KIF21A: variants seen among roughly 807,000 people sequenced by gnomAD.
KIF21A encodes kinesin-like protein KIF21A.
A neutral mutation model predicts 202.9 loss-of-function variants in KIF21A; 114 were observed. That is an observed-to-expected ratio of 0.56 (90% CI 0.48 to 0.66). The LOEUF is 0.66. Among genes scored for constraint, KIF21A ranks in the 30% least tolerant of loss-of-function variants. The pLI is 0.00. For missense variants in KIF21A, 1,677 were observed against 1,994.9 expected (o/e 0.84, Z 3.04); for synonymous variants, 667 against 670.8 (o/e 0.99, Z 0.09).
At chr12:39,349,697 A>G (rs535440578) in intron 11 of KIF21A, among the ~76,000 whole-genome samples, 1 of 152,232 alleles carries the variant, frequency 6.6e-6, no homozygotes, top group South Asian at 2.1e-4. Context: ...AGTGTGATGA[A>G]CAAAGTGCTT....
At chr12:39,403,166 C>T (rs1230470048) in intron 1 of KIF21A, among the ~76,000 whole-genome samples, 4 of 152,136 alleles carry the variant, frequency 2.6e-5, no homozygotes, top group Admixed American at 1.3e-4. Flanking sequence ...CATTCATTTA[C>T]CCATTTGTTC....
intron 1 of KIF21A, among the ~76,000 whole-genome samples, chr12:39,373,074 T>G (rs1384183948): frequency 6.6e-6 from 1 of 152,184 alleles, no homozygotes; most frequent in Non-Finnish European, 1.5e-5. Flanking sequence ...TGTCAACTCT[T>G]GCCCTCACCA....
At chr12:39,311,319 G>A in intron 32 of KIF21A, 98 bp downstream of exon 32, 1 of 1,084,752 alleles carries the variant, frequency 9.2e-7, no homozygotes, top group Non-Finnish European at 1.4e-6. Context: ...GATTCTTTCT[G>A]GTCTTAAATA....
intron 1 of KIF21A, among the ~76,000 whole-genome samples, chr12:39,416,655 A>G (rs7296345): frequency 0.012 from 1,210 of 103,198 alleles, 151 homozygotes; most frequent in African/African-American, 0.059. Context: ...GTACATATAT[A>G]TGTGTATATA....
intron 27 of KIF21A, among the ~76,000 whole-genome samples, chr12:39,321,109 A>G (rs1205810948): frequency 1.3e-5 from 2 of 152,160 alleles, no homozygotes; most frequent in Non-Finnish European, 2.9e-5. Flanking sequence ...GCAATCCTGC[A>G]TCATTTAAAT....
At chr12:39,415,026 G>A (rs1425114370) in intron 1 of KIF21A, among the ~76,000 whole-genome samples, 1 of 149,972 alleles carries the variant, frequency 6.7e-6, no homozygotes, top group Non-Finnish European at 1.5e-5. Context: ...AACACTGCAA[G>A]TAACTGTTAG....
At chr12:39,329,524 A>G (rs1946310136) in intron 24 of KIF21A, among the ~76,000 whole-genome samples, 1 of 151,964 alleles carries the variant, frequency 6.6e-6, no homozygotes, top group South Asian at 2.1e-4. Flanking sequence ...AGAAGGAGGA[A>G]CACAATAAAT....
intron 37 of KIF21A, among the ~76,000 whole-genome samples, chr12:39,300,777 G>A (rs886956228): frequency 2.0e-5 from 3 of 151,946 alleles, no homozygotes; most frequent in African/African-American, 7.3e-5. Context: ...TATCTTAAAT[G>A]TCACTTTCTC....
intron 1 of KIF21A, among the ~76,000 whole-genome samples, chr12:39,434,150 G>T (rs1397320867): frequency 6.6e-6 from 1 of 152,166 alleles, no homozygotes; most frequent in African/African-American, 2.4e-5. Context: ...AGGTCAAGAG[G>T]CCTGCAGGCC....
intron 24 of KIF21A, chr12:39,329,961 C>T: frequency 2.8e-6 from 1 of 355,706 alleles, no homozygotes; most frequent in Non-Finnish European, 5.1e-6. Context: ...AGAGAAAGAA[C>T]ACAGGGGGTT....
At chr12:39,316,838 C>T (rs1944602739) in intron 29 of KIF21A, among the ~76,000 whole-genome samples, 1 of 152,116 alleles carries the variant, frequency 6.6e-6, no homozygotes, top group African/African-American at 2.4e-5. Context: ...GAGATGACAA[C>T]AGAGTCAAAT....
intron 27 of KIF21A, 191 bp downstream of exon 27, chr12:39,322,477 A>G: frequency 1.9e-6 from 1 of 524,374 alleles, no homozygotes; most frequent in South Asian, 2.8e-5. Flanking sequence ...GCAATTCAAC[A>G]AAGGACATCT....
intron 34 of KIF21A, among the ~76,000 whole-genome samples, chr12:39,306,254 C>A (rs1943464906): frequency 6.6e-6 from 1 of 152,174 alleles, no homozygotes; most frequent in Admixed American, 6.5e-5. Flanking sequence ...AAGAGTCAAA[C>A]CTATCAGCAA....
chr12:39,295,109 G>C (rs1421036500), intron 37 of KIF21A, among the ~76,000 whole-genome samples: 1 of 152,194 alleles, frequency 6.6e-6, no homozygotes, highest in Non-Finnish European at 1.5e-5. Flanking sequence ...GAAAAATAAA[G>C]AGGCTATTGA....
chr12:39,316,293 G>A (rs1384361903), intron 29 of KIF21A, among the ~76,000 whole-genome samples: 1 of 151,984 alleles, frequency 6.6e-6, no homozygotes, highest in Non-Finnish European at 1.5e-5. Context: ...GCACTTCAAG[G>A]TTTGCTCTAT....
intron 16 of KIF21A, chr12:39,337,409 A>G: frequency 7.4e-6 from 4 of 541,324 alleles, no homozygotes; most frequent in Non-Finnish European, 3.3e-6. Flanking sequence ...ATTGCTTAGT[A>G]TTCTATGCTT....
chr12:39,314,031 A>G (rs1398085153), intron 31 of KIF21A, among the ~76,000 whole-genome samples: 1 of 151,822 alleles, frequency 6.6e-6, no homozygotes, highest in Non-Finnish European at 1.5e-5. Context: ...GCTGTCATAT[A>G]TAAACAAAAA....
At chr12:39,407,818 C>CA (rs1403438411) in intron 1 of KIF21A, among the ~76,000 whole-genome samples, 1 of 151,548 alleles carries the variant, frequency 6.6e-6, no homozygotes, top group African/African-American at 2.4e-5. Flanking sequence ...ATGCCCATTC[C>CA]AAAAAACAAA....
At chr12:39,318,241 G>T in intron 28 of KIF21A, 40 bp from the exon 29 acceptor site, 2 of 1,599,620 alleles carry the variant, frequency 1.3e-6, no homozygotes, top group African/African-American at 1.3e-5. Flanking sequence ...GGCTTTAATT[G>T]GTTATGATTT....
Sources: gnomAD v4.1 joint callset for allele counts (sites outside exome capture counted in the v4.1 genomes callset) on GRCh38, gnomAD v4.1.1 for gene constraint, MANE v1.5 for transcripts, NCBI Gene and HGNC (gene_info 2026-07-23, HGNC 2026-07-21) for gene names.